AKR1C2: variants seen among roughly 807,000 people sequenced by gnomAD.
The protein encoded by AKR1C2 is aldo-keto reductase family 1 member C2.
In AKR1C2, 27 loss-of-function variants were observed where a neutral mutation model predicts 39.8. The observed-to-expected ratio is 0.68, with a 90% confidence interval of 0.50 to 0.93. The LOEUF (loss-of-function observed/expected upper bound fraction) is 0.93. AKR1C2 is among the 40% of genes least tolerant of loss of function. AKR1C2 has a pLI of 0.00. For missense variants in AKR1C2, 263 were observed against 365.1 expected, an observed-to-expected ratio of 0.72 and a Z score of 2.28; for synonymous variants, 114 against 137.9, an observed-to-expected ratio of 0.83 and a Z score of 1.22.
intron 5 of AKR1C2, among the ~76,000 whole-genome samples, chr10:4,997,955 C>T (rs113308099): frequency 0.015 from 2,280 of 152,242 alleles, 71 homozygotes; most frequent in African/African-American, 0.052. Flanking sequence ...GCATGACAGA[C>T]TCCAAAAAGC....
At position 5,002,820 on chromosome 10, in the gene AKR1C2, G is replaced by A. The variant is rs1476195286; in HGVS notation, c.84+932C>T. 5.3e-5 allele frequency among the ~76,000 whole-genome samples: 8 copies of A among 152,210 alleles called. No individual in the cohort carries two copies. In the South Asian group the frequency reaches 1.7e-3, roughly 32 times the overall value. ...CTCTTCGCTGTGCAAGCAATCAAAG[G>A]CTTACCAAGGCCGGAGCTTCAGTGG... On this transcript the variant is annotated intron_variant, in intron 1 of 8. Coordinates refer to ENST00000380753, the MANE Select transcript of AKR1C2 (RefSeq NM_001393392.1).
intron 8 of AKR1C2, among the ~76,000 whole-genome samples, 153 bp from the exon 9 acceptor site, chr10:4,990,191 G>T (rs191499497): frequency 6.6e-6 from 1 of 152,120 alleles, no homozygotes; most frequent in Non-Finnish European, 1.5e-5. Context: ...TTTAATGAAC[G>T]TGACTTTATC....
chr10:5,010,802 C>T (rs1837507661), intron 1 of AKR1C2: 1 of 152,152 alleles, frequency 6.6e-6, no homozygotes, highest in South Asian at 2.1e-4. Context: ...TGCAACCTTG[C>T]TTATACCTCA....
intron 1 of AKR1C2, among the ~76,000 whole-genome samples, chr10:5,011,828 GA>G: frequency 6.6e-6 from 1 of 152,342 alleles, no homozygotes; most frequent in African/African-American, 2.4e-5. Flanking sequence ...GATGTGTAGT[GA>G]AAATCGAAGC....
At chr10:4,996,477 C>T (rs1345628552) in intron 5 of AKR1C2, among the ~76,000 whole-genome samples, 1 of 147,848 alleles carries the variant, frequency 6.8e-6, no homozygotes. Context: ...GAAACAAGTG[C>T]TTTTGTCTTT....
intron 1 of AKR1C2, among the ~76,000 whole-genome samples, chr10:5,002,258 A>T (rs142969164): frequency 6.6e-6 from 1 of 152,364 alleles, no homozygotes; most frequent in Non-Finnish European, 1.5e-5. Context: ...AGTCTCCAAA[A>T]GCAAAGCAGG....
chr10:5,008,375 C>T (rs535144651), upstream of AKR1C2, among the ~76,000 whole-genome samples: 76 of 151,914 alleles, frequency 5.0e-4, 5 homozygotes, highest in African/African-American at 1.7e-3. Flanking sequence ...AGGACTCAGG[C>T]CCAAAGCTCC....
intron 1 of AKR1C2, among the ~76,000 whole-genome samples, chr10:5,013,798 T>TATA (rs1837574201): frequency 1.3e-5 from 2 of 152,236 alleles, no homozygotes; most frequent in South Asian, 4.1e-4. Flanking sequence ...GCATCACCAG[T>TATA]ATACATATAT....
intron 4 of AKR1C2, 44 bp downstream of exon 4, chr10:4,999,156 C>T (rs1554773508): frequency 6.6e-6 from 10 of 1,511,680 alleles, no homozygotes; most frequent in Non-Finnish European, 9.0e-6. Context: ...CAGATGTATC[C>T]TACCTCATCT....
At chr10:4,992,401 A>C (rs1183260934) in intron 7 of AKR1C2, among the ~76,000 whole-genome samples, 2 of 151,388 alleles carry the variant, frequency 1.3e-5, no homozygotes, top group African/African-American at 4.8e-5. Context: ...AGGTGTGGGT[A>C]CTCACTATGT....
Position 4,988,719 on chromosome 10 carries a change from C to T in AKR1C2, c.*1277G>A, listed in dbSNP as rs1241606404. The T allele has an allele frequency of 4.6e-5, 7 of 151,424 alleles. No homozygotes were observed. The highest frequency in any genetic ancestry group is 1.7e-4 in the African/African-American group (7 of 41,128). 9.4% of individuals were successfully genotyped at this position (151,424 alleles called of 1,614,324 possible). On this transcript the variant is annotated 3_prime_UTR_variant, in exon 9 of 9. Coordinates refer to ENST00000380753, the MANE Select transcript of AKR1C2 (RefSeq NM_001393392.1). ...GAGTAAATGTGTTAGAAAGTGTGCCCAGGTAAAAAACCACTGTCCTTCTCA... is the reference window on the plus strand; with the variant it reads ...GAGTAAATGTGTTAGAAAGTGTGCCTAGGTAAAAAACCACTGTCCTTCTCA...
chr10:4,998,584 G>A lies in AKR1C2; in HGVS notation c.570+41C>T, dbSNP rs782553745. Reference sequence around the variant, plus strand: ...TACTTGGCAATAGGACAGAAAGAGGGGCATGAAGAACAGAAAGGAGAGGAG... The same window carrying A: ...TACTTGGCAATAGGACAGAAAGAGGAGCATGAAGAACAGAAAGGAGAGGAG... On this transcript the variant is annotated intron_variant, in intron 5 of 8. Transcript: ENST00000380753. 1.9e-6 allele frequency: 3 copies of A among 1,610,818 alleles called. No individual in the cohort carries two copies. The South Asian group carries it at 3.3e-5, about 18-fold the overall frequency.
chr10:5,001,390 AG>A (rs1837265599), intron 2 of AKR1C2, 123 bp downstream of exon 2: 1 of 1,496,046 alleles, frequency 6.7e-7, no homozygotes, highest in Non-Finnish European at 8.9e-7. Flanking sequence ...TACATGAGTA[AG>A]TGTGAATAAA....
At chr10:4,995,663 C>T (rs1186717616) in intron 6 of AKR1C2, 93 bp downstream of exon 6, 6 of 1,398,378 alleles carry the variant, frequency 4.3e-6, no homozygotes, top group Non-Finnish European at 3.9e-6. Context: ...CACCCCAAGT[C>T]AGCTGTGAGT....
upstream of AKR1C2, among the ~76,000 whole-genome samples, chr10:5,008,081 A>G (rs1464891582): frequency 2.0e-5 from 3 of 151,582 alleles, no homozygotes; most frequent in African/African-American, 7.3e-5. Flanking sequence ...TTGGAGTTTA[A>G]TGCCCATGGC....
upstream of AKR1C2, chr10:5,007,533 G>T (rs1294590339): frequency 1.5e-4 from 22 of 150,982 alleles, 1 homozygote; most frequent in Admixed American, 1.1e-3. Flanking sequence ...TACAGATTAT[G>T]CACAAGAGAA....
intron 1 of AKR1C2, among the ~76,000 whole-genome samples, chr10:5,011,639 T>C (rs2398174): frequency 0.83 from 126,750 of 152,092 alleles, 52,948 homozygotes; most frequent in African/African-American, 0.87. Flanking sequence ...GAGACCCCAA[T>C]CAGCAGAAAA....
intron 1 of AKR1C2, among the ~76,000 whole-genome samples, chr10:5,016,462 C>T (rs1339893067): frequency 3.2e-4 from 48 of 152,160 alleles, no homozygotes; most frequent in Admixed American, 2.9e-3. Context: ...TTCAAAGCTC[C>T]GAAATAATCT....
At chr10:5,016,473 C>T (rs1554775362) in intron 1 of AKR1C2, among the ~76,000 whole-genome samples, 1 of 152,230 alleles carries the variant, frequency 6.6e-6, no homozygotes, top group Non-Finnish European at 1.5e-5. Flanking sequence ...GAAATAATCT[C>T]TATTGACTCC....
Sources: gnomAD v4.1 joint callset for allele counts (sites outside exome capture counted in the v4.1 genomes callset) on GRCh38, gnomAD v4.1.1 for gene constraint, MANE v1.5 for transcripts, NCBI Gene and HGNC (gene_info 2026-07-23, HGNC 2026-07-21) for gene names.